Variants in CFAP92 observed in about 807,000 individuals in gnomAD.
CFAP92 encodes the protein uncharacterized protein CFAP92.
A neutral mutation model predicts 106.3 loss-of-function variants in CFAP92; 86 were observed. The observed-to-expected ratio is 0.81, with a 90% confidence interval of 0.68 to 0.97. CFAP92 has a LOEUF of 0.97. Ranked by LOEUF, CFAP92 falls within the 50% of genes least tolerant of loss-of-function variation. The pLI is 0.00. For synonymous variants in CFAP92, 477 were observed against 506.4 expected, an observed-to-expected ratio of 0.94 and a Z score of 0.78; for missense variants, 1,204 against 1,283.8, an observed-to-expected ratio of 0.94 and a Z score of 0.95.
In CFAP92 at chr3:128,975,862, G is replaced by C. The variant is rs752589417; in HGVS notation, c.938C>G (p.Ala313Gly). The C allele has an allele frequency of 1.7e-5, 28 of 1,609,830 alleles. No individual in the cohort carries two copies. The highest frequency in any genetic ancestry group is 2.4e-5 in the Non-Finnish European group (28 of 1,178,144). ...TAATTCCTTGATCTCCATCATGCTT[G>C]CTCCTGCCAAAGAAATGGTTGGTGT... Reference protein sequence around the residue: ...SRTPTISLAGASMMEIKELIE... With the variant: ...SRTPTISLAGGSMMEIKELIE... Residue 313 changes from alanine to glycine, a missense_variant, in exon 7 of 16, where the codon GCA becomes GGA. Transcript: ENST00000645291.
chr3:129,005,424 C>T (rs1945029186), upstream of CFAP92, among the ~76,000 whole-genome samples: 1 of 152,244 alleles, frequency 6.6e-6, no homozygotes, highest in Non-Finnish European at 1.5e-5. Context: ...AGGGGTAGAG[C>T]TGAAGGGAGG....
At chr3:128,935,778 C>CA (rs1470941444) in intron 10 of CFAP92, among the ~76,000 whole-genome samples, 3 of 152,134 alleles carry the variant, frequency 2.0e-5, no homozygotes, top group Non-Finnish European at 4.4e-5. Flanking sequence ...CTGATGGCAC[C>CA]ACTGTACTCT....
chr3:128,951,225 A>C (rs1159474746), intron 9 of CFAP92, among the ~76,000 whole-genome samples: 1 of 149,548 alleles, frequency 6.7e-6, no homozygotes, highest in Admixed American at 6.7e-5. Flanking sequence ...ACAGAGCGAG[A>C]CTCCATCTCA....
chr3:128,945,225 G>C lies in CFAP92; in HGVS notation c.2104C>G (p.Leu702Val). Residue 702 changes from leucine (L) to valine (V), a missense_variant, in exon 10 of 16, where the codon CTG (leucine) becomes GTG (valine). Coordinates refer to ENST00000645291, the MANE Select transcript of CFAP92 (RefSeq NM_001394090.1). ...CGCACACGCACCTTGAAGGCTGACAGGATCTGCTGCAGGGTCCTGACAGGG... is the reference window on the plus strand; with the variant it reads ...CGCACACGCACCTTGAAGGCTGACACGATCTGCTGCAGGGTCCTGACAGGG... ...SYPVRTLQQILSAFKVRVRVQ... is the reference protein window; with the variant it reads ...SYPVRTLQQIVSAFKVRVRVQ... 6.5e-7 allele frequency: 1 copy of C among 1,536,168 alleles called. No individual in the cohort carries two copies. The highest frequency in any genetic ancestry group is 1.2e-5 in the South Asian group (1 of 84,066).
chr3:128,950,485 C>A (rs1351886440), intron 9 of CFAP92, among the ~76,000 whole-genome samples: 1 of 152,230 alleles, frequency 6.6e-6, no homozygotes, highest in Non-Finnish European at 1.5e-5. Flanking sequence ...CACGTGACGA[C>A]AGTGCCCATG....
At chr3:129,017,641 C>T in the CFAP92 span, among the ~76,000 whole-genome samples, 1 of 152,226 alleles carries the variant, frequency 6.6e-6, no homozygotes, top group Non-Finnish European at 1.5e-5. Flanking sequence ...ACGACCTGCC[C>T]CATGTCCTTC....
intron 7 of CFAP92, among the ~76,000 whole-genome samples, chr3:128,972,007 C>A (rs927485537): frequency 2.6e-5 from 4 of 152,172 alleles, no homozygotes; most frequent in African/African-American, 9.7e-5. Context: ...ACCAATGGGA[C>A]AGACGAGAAA....
intron 9 of CFAP92, among the ~76,000 whole-genome samples, chr3:128,958,149 A>C (rs1941592696): frequency 6.6e-6 from 1 of 152,232 alleles, no homozygotes; most frequent in Non-Finnish European, 1.5e-5. Context: ...CCCTCTTTCC[A>C]AATAAGATCA....
chr3:129,002,165 G>GCGC lies in CFAP92; in HGVS notation n.117+406_117+408dup, dbSNP rs747038490. On this transcript the variant is annotated intron_variant and non_coding_transcript_variant, in intron 1 of 4. Coordinates refer to the CFAP92 transcript ENST00000510149. ...AGACGCAGATCCGCCTGCGCCGTCC[G>GCGC]CGCCGCCGCCGCCGCCCGCCCTGCG... The GCGC allele has an allele frequency of 9.6e-5, 141 of 1,472,034 alleles. 2 individuals are homozygous for GCGC. In the South Asian group the frequency reaches 1.1e-3, roughly 11 times the overall value. The allele number at this position is 1,472,034 out of a possible 1,614,324, so 91.2% of individuals were successfully genotyped here.
rs2062428 is a variant in CFAP92 at position 128,924,974 on chromosome 3, C to T, written c.2751+7726G>A. On this transcript the variant is annotated intron_variant, in intron 12 of 15. Coordinates refer to ENST00000645291, the MANE Select transcript of CFAP92 (RefSeq NM_001394090.1). ...TCACAGCCTCCATACTAGCACTGGC[C>T]CCCTAGTCCCACTTTATGCACTCTT... Among the ~76,000 whole-genome samples the T allele has an allele frequency of 4.2e-3, 645 of 152,310 alleles. 2 individuals are homozygous for T. Among genetic ancestry groups the T allele is most frequent in the African/African-American group, 0.015 (609 of 41,562 alleles).
At chr3:128,971,459 G>C (rs537073426) in intron 7 of CFAP92, 26 bp from the exon 8 acceptor site, 2 of 1,538,002 alleles carry the variant, frequency 1.3e-6, no homozygotes, top group Non-Finnish European at 1.8e-6. Flanking sequence ...AAGGAGATGA[G>C]CATTAAGAGG....
At chr3:129,016,718 G>A in the CFAP92 span, among the ~76,000 whole-genome samples, 1 of 152,088 alleles carries the variant, frequency 6.6e-6, no homozygotes, top group Admixed American at 6.5e-5. Flanking sequence ...ACCCTGACTC[G>A]TACAGGGCCT....
At chr3:128,917,171 G>C (rs778210924) in intron 12 of CFAP92, among the ~76,000 whole-genome samples, 76 of 152,178 alleles carry the variant, frequency 5.0e-4, no homozygotes, top group Non-Finnish European at 7.2e-4. Context: ...GATTATACTA[G>C]GGATGCCACA....
At chr3:128,940,226 A>T (rs779708747) in intron 10 of CFAP92, among the ~76,000 whole-genome samples, 2 of 152,070 alleles carry the variant, frequency 1.3e-5, no homozygotes, top group Non-Finnish European at 2.9e-5. Flanking sequence ...GGCTGTTTCC[A>T]TCTTTTGGCT....
At chr3:128,979,899 A>C (rs1335227049) in intron 4 of CFAP92, among the ~76,000 whole-genome samples, 2 of 150,600 alleles carry the variant, frequency 1.3e-5, no homozygotes, top group African/African-American at 4.9e-5. Context: ...ATACATATGT[A>C]ACAAACCTGC....
At chr3:128,918,891 C>T (rs145530121) in intron 12 of CFAP92, among the ~76,000 whole-genome samples, 53 of 150,638 alleles carry the variant, frequency 3.5e-4, no homozygotes, top group African/African-American at 1.3e-3. Flanking sequence ...AAATGCCTAA[C>T]CTAACAGTAA....
intron 10 of CFAP92, among the ~76,000 whole-genome samples, chr3:128,938,480 C>A (rs2107715689): frequency 7.1e-6 from 1 of 140,268 alleles, no homozygotes; most frequent in South Asian, 2.4e-4. Context: ...AGTGTGTGTG[C>A]CTTCACCATT....
At chr3:129,009,337 G>A in the CFAP92 span, among the ~76,000 whole-genome samples, 15 of 152,186 alleles carry the variant, frequency 9.9e-5, no homozygotes, top group African/African-American at 2.9e-4. Flanking sequence ...CTCACGTAGT[G>A]TTACCACGAT....
chr3:129,006,143 A>G (rs1576704162), upstream of CFAP92, among the ~76,000 whole-genome samples: 2 of 152,238 alleles, frequency 1.3e-5, no homozygotes, highest in African/African-American at 4.8e-5. Context: ...AAGGCCACAC[A>G]GCCAGAAAGT....
Sources: allele counts gnomAD v4.1 joint callset (sites outside exome capture counted in the v4.1 genomes callset), GRCh38; gene constraint gnomAD v4.1.1; transcripts MANE v1.5; gene names NCBI Gene and HGNC (gene_info 2026-07-23, HGNC 2026-07-21).